The following IL1RAPL2 variants were observed in gnomAD, a reference collection of about 807,000 sequenced individuals.
The protein encoded by IL1RAPL2 is X-linked interleukin-1 receptor accessory protein-like 2.
A neutral mutation model predicts 44.1 loss-of-function variants in IL1RAPL2; 3 were observed. That is an observed-to-expected ratio of 0.07 (90% CI 0.03 to 0.18). The LOEUF is 0.18. IL1RAPL2 is among the 10% of genes least tolerant of loss of function. IL1RAPL2 has a pLI of 1.00. For synonymous variants in IL1RAPL2, 181 were observed against 178.8 expected (o/e 1.01, Z -0.10); for missense variants, 391 against 496.4 (o/e 0.79, Z 2.02).
At chrX:104,744,343 T>A (rs777730386) in intron 2 of IL1RAPL2, among the ~76,000 whole-genome samples, 57 of 111,503 alleles carry the variant, frequency 5.1e-4, no homozygotes, top group Non-Finnish European at 9.8e-4. Context: ...AAAGAAATGT[T>A]CTCAAACTTT....
intron 1 of IL1RAPL2, among the ~76,000 whole-genome samples, chrX:104,631,086 G>T (rs1025888559): frequency 5.4e-5 from 6 of 111,081 alleles, no homozygotes; most frequent in Non-Finnish European, 1.1e-4. Flanking sequence ...AGAATATGCG[G>T]TGTTTGGTTT....
intron 5 of IL1RAPL2, among the ~76,000 whole-genome samples, chrX:105,276,269 G>A (rs780641664): frequency 1.5e-4 from 17 of 111,946 alleles, no homozygotes; most frequent in Non-Finnish European, 2.6e-4. Context: ...TTAGCCAGGC[G>A]TGGTGGCGAA....
chrX:105,529,486 T>A (rs1279715499), intron 6 of IL1RAPL2, among the ~76,000 whole-genome samples: 1 of 110,923 alleles, frequency 9.0e-6, no homozygotes, highest in Admixed American at 9.6e-5. Flanking sequence ...TGAAAAGGAA[T>A]TACCCCCTCC....
chrX:104,852,887 T>G (rs970788141), intron 2 of IL1RAPL2, among the ~76,000 whole-genome samples: 5 of 111,728 alleles, frequency 4.5e-5, no homozygotes, highest in Non-Finnish European at 7.5e-5. Context: ...CCTATCAGCT[T>G]CTGAGAAGGA....
At chrX:104,615,804 C>G (rs1163050924) in intron 1 of IL1RAPL2, among the ~76,000 whole-genome samples, 2 of 112,231 alleles carry the variant, frequency 1.8e-5, no homozygotes, top group Non-Finnish European at 1.9e-5. Context: ...AATCACCACA[C>G]CATCTTCCAC....
chrX:105,086,260 T>TACACACACACACAC (rs57243276), intron 2 of IL1RAPL2, among the ~76,000 whole-genome samples: 45 of 107,795 alleles, frequency 4.2e-4, no homozygotes, highest in Middle Eastern at 4.8e-3. Flanking sequence ...GAAAATGTGA[T>TACACACACACACAC]ACACACACAC....
intron 5 of IL1RAPL2, among the ~76,000 whole-genome samples, chrX:105,319,814 T>A (rs1050110019): frequency 8.9e-6 from 1 of 112,130 alleles, no homozygotes; most frequent in Admixed American, 9.5e-5. Flanking sequence ...CACAAGTGCA[T>A]GGGAGTCTGA....
At chrX:104,897,522 A>C (rs1003957059) in intron 2 of IL1RAPL2, among the ~76,000 whole-genome samples, 2 of 112,355 alleles carry the variant, frequency 1.8e-5, no homozygotes, top group African/African-American at 6.5e-5. Flanking sequence ...GAGTCTGCCA[A>C]AATTCAAGGA....
intron 1 of IL1RAPL2, among the ~76,000 whole-genome samples, chrX:104,642,740 C>T (rs1411844542): frequency 8.9e-6 from 1 of 111,820 alleles, no homozygotes; most frequent in Non-Finnish European, 1.9e-5. Flanking sequence ...CAACCTCGGC[C>T]TCCCAAAGTG....
chrX:104,712,445 C>T (rs1218508539), intron 2 of IL1RAPL2, among the ~76,000 whole-genome samples: 1 of 110,504 alleles, frequency 9.0e-6, no homozygotes, highest in East Asian at 2.9e-4. Flanking sequence ...TTCATTTCTG[C>T]TGCTTGGCAT....
chrX:105,445,807 GC>G (rs964737027), intron 5 of IL1RAPL2, among the ~76,000 whole-genome samples: 1 of 111,247 alleles, frequency 9.0e-6, no homozygotes, highest in Non-Finnish European at 1.9e-5. Context: ...TTGTGGCCCA[GC>G]AGCATATGGT....
intron 1 of IL1RAPL2, among the ~76,000 whole-genome samples, chrX:104,651,746 T>C (rs1602662703): frequency 1.8e-5 from 2 of 111,278 alleles, no homozygotes; most frequent in East Asian, 5.7e-4. Flanking sequence ...AAGTTCTAAA[T>C]TGGGGGGTAA....
At chrX:105,040,835 G>A (rs1194423279) in intron 2 of IL1RAPL2, among the ~76,000 whole-genome samples, 2 of 104,202 alleles carry the variant, frequency 1.9e-5, no homozygotes, top group African/African-American at 3.6e-5. Context: ...ACCAGCTCCT[G>A]GATTCATTAA....
At chrX:105,236,440 A>G (rs1206846469) in intron 4 of IL1RAPL2, among the ~76,000 whole-genome samples, 3 of 112,429 alleles carry the variant, frequency 2.7e-5, no homozygotes, top group African/African-American at 9.7e-5. Context: ...CTGTATGGCA[A>G]GCTGTGTTTT....
chrX:104,725,521 T>C (rs1482094390), intron 2 of IL1RAPL2, among the ~76,000 whole-genome samples: 1 of 112,093 alleles, frequency 8.9e-6, no homozygotes, highest in Non-Finnish European at 1.9e-5. Flanking sequence ...GCATTCCTAT[T>C]TCTCCACATC....
At chrX:104,671,870 T>A (rs1930611395) in intron 2 of IL1RAPL2, among the ~76,000 whole-genome samples, 2 of 111,545 alleles carry the variant, frequency 1.8e-5, no homozygotes, top group African/African-American at 6.5e-5. Flanking sequence ...ACTCTCAGGT[T>A]TTGCTGTTTT....
intron 2 of IL1RAPL2, among the ~76,000 whole-genome samples, chrX:104,874,347 T>C (rs1215189192): frequency 9.5e-6 from 1 of 104,765 alleles, no homozygotes; most frequent in Non-Finnish European, 2.0e-5. Context: ...GATAGGATCA[T>C]GGGCAGGGTA....
At chrX:105,259,306 C>G (rs2034338820) in intron 4 of IL1RAPL2, among the ~76,000 whole-genome samples, 2 of 111,821 alleles carry the variant, frequency 1.8e-5, no homozygotes, top group South Asian at 7.6e-4. Context: ...TGTTTCCTCA[C>G]ATTTGGAGCC....
intron 2 of IL1RAPL2, among the ~76,000 whole-genome samples, chrX:105,111,378 C>A (rs894066181): frequency 1.1e-4 from 12 of 111,263 alleles, no homozygotes; most frequent in African/African-American, 3.9e-4. Context: ...TTGTAGTTTG[C>A]AACAACTTTT....
Sources: allele counts gnomAD v4.1 joint callset (sites outside exome capture counted in the v4.1 genomes callset), GRCh38; gene constraint gnomAD v4.1.1; transcripts MANE v1.5; gene names NCBI Gene and HGNC (gene_info 2026-07-23, HGNC 2026-07-21).